CASP9: variants seen among roughly 807,000 people sequenced by gnomAD.
CASP9 encodes the protein caspase 9, also known as caspase-9.
Under a neutral mutation model 43.5 loss-of-function variants are expected in CASP9, and 29 were observed. The ratio of observed to expected loss-of-function variants is 0.67; its 90% CI spans 0.50 to 0.91. The LOEUF (loss-of-function observed/expected upper bound fraction) is 0.91. Among genes scored for constraint, CASP9 ranks in the 40% least tolerant of loss-of-function variants. The probability of loss-of-function intolerance (pLI) is 0.00; values close to 1 mark genes in which losing one functional copy is unlikely to be tolerated. For missense variants in CASP9, 575 were observed against 537.4 expected (o/e 1.07, Z -0.69); for synonymous variants, 206 against 211.9 (o/e 0.97, Z 0.24).
In CASP9 at chr1:15,524,175, A is replaced by C; in HGVS notation, c.26T>G (p.Leu9Arg). The change falls in exon 1 of 9, where the codon CTG becomes CGG. Residue 9 changes from leucine (L) to arginine (R), a missense_variant. Coordinates refer to ENST00000333868, the MANE Select transcript of CASP9 (RefSeq NM_001229.5). The stretch of plus-strand genomic sequence containing the variant: ...CACCAGCCGCAGCCGGCACCGCCGC[A>C]GGAGCCGCCGATCCGCTTCGTCCAT... MDEADRRL[L>R]RRCRLRLVEE... 6.5e-7 allele frequency: 1 copy of C among 1,542,044 alleles called. No homozygotes were observed. Among genetic ancestry groups the C allele is most frequent in the Non-Finnish European group, 8.7e-7 (1 of 1,148,740 alleles).
At chr1:15,493,234 T>C in intron 8 of CASP9, 199 bp from the exon 9 acceptor site, 1 of 1,410,278 alleles carries the variant, frequency 7.1e-7, no homozygotes, top group South Asian at 1.6e-5. Flanking sequence ...ATTTCCAAAT[T>C]CATAAAGTTC....
upstream of CASP9, chr1:15,524,334 C>T (rs1710355928): frequency 2.1e-6 from 3 of 1,430,018 alleles, no homozygotes; most frequent in Non-Finnish European, 2.7e-6. Context: ...CTTCGCTCCC[C>T]ACCGCCTCCG....
chr1:15,524,688 A>G, upstream of CASP9: 1 of 1,022,500 alleles, frequency 9.8e-7, no homozygotes, highest in Non-Finnish European at 1.2e-6. Context: ...CCTCGCCTTC[A>G]GGACGCCTCC....
At chr1:15,524,595 C>G (rs1183538777), upstream of CASP9, 6 of 1,016,538 alleles carry the variant, frequency 5.9e-6, no homozygotes, top group Middle Eastern at 4.7e-4. Flanking sequence ...CACGTCACCG[C>G]CCCGCCCCCG....
chr1:15,524,562 G>T, upstream of CASP9: 1 of 250,420 alleles, frequency 4.0e-6, no homozygotes, highest in Non-Finnish European at 5.1e-6. Flanking sequence ...CCCAGAACCC[G>T]CCCCGTATCC....
chr1:15,491,893 A>T lies in CASP9; in HGVS notation c.*1050T>A, dbSNP rs1466968635. 6.5e-6 allele frequency: 1 copy of T among 153,434 alleles called. No individual in the cohort carries two copies. The highest frequency in any genetic ancestry group is 2.4e-5 in the African/African-American group (1 of 41,458). 9.5% of individuals were successfully genotyped at this position (153,434 alleles called of 1,614,324 possible). A position where few individuals can be genotyped will look rare whatever the true frequency, so the allele number is the denominator to read the frequency against. On this transcript the variant is annotated 3_prime_UTR_variant, in exon 9 of 9. Transcript: ENST00000333868. ...TCACACTGCAGTCCGGGGGTGCTTC[A>T]GCAAGTAAGGCACATGGGAAGCATG...
chr1:15,491,953 C>A lies in CASP9; in HGVS notation c.*990G>T, dbSNP rs1236668741. On this transcript the variant is annotated 3_prime_UTR_variant, in exon 9 of 9. Transcript: ENST00000333868. ...CAGGGGACCCAGGTTCTGGCCAGGT[C>A]TCTTCTCTGGATAATCGTTTTCCCT... 6.5e-6 allele frequency: 1 copy of A among 152,942 alleles called. No individual in the cohort carries two copies. The highest frequency in any genetic ancestry group is 1.5e-5 in the Non-Finnish European group (1 of 68,598). 9.5% of individuals were successfully genotyped at this position (152,942 alleles called of 1,614,324 possible). A position where few individuals can be genotyped will look rare whatever the true frequency, so the allele number is the denominator to read the frequency against.
intron 8 of CASP9, chr1:15,493,246 A>C: frequency 7.8e-6 from 11 of 1,403,696 alleles, no homozygotes; most frequent in Non-Finnish European, 9.2e-6. Flanking sequence ...ATAAAGTTCA[A>C]ATCAGACTGA....
chr1:15,494,694 T>C (rs1326164763), intron 7 of CASP9, among the ~76,000 whole-genome samples: 1 of 151,120 alleles, frequency 6.6e-6, no homozygotes, highest in South Asian at 2.1e-4. Flanking sequence ...AAACCCCATC[T>C]CTACTAAAAA....
chr1:15,497,555 A>G (rs532128391), intron 6 of CASP9, among the ~76,000 whole-genome samples: 3 of 151,884 alleles, frequency 2.0e-5, no homozygotes, highest in Non-Finnish European at 4.4e-5. Flanking sequence ...AAGCAGGAGA[A>G]TTGCTTGAAC....
At chr1:15,495,535 A>G in intron 6 of CASP9, 83 bp from the exon 7 acceptor site, 1 of 1,185,922 alleles carries the variant, frequency 8.4e-7, no homozygotes, top group Non-Finnish European at 1.1e-6. Flanking sequence ...GGTGCAATAT[A>G]CTACATTAAC....
chr1:15,507,638 C>T (rs1265368361), intron 3 of CASP9: 2 of 548,060 alleles, frequency 3.6e-6, no homozygotes, highest in East Asian at 6.0e-5. Context: ...ATGACTGCCC[C>T]TCATCAGGTC....
intron 2 of CASP9, among the ~76,000 whole-genome samples, chr1:15,517,570 T>C (rs1252390152): frequency 6.6e-6 from 1 of 152,358 alleles, no homozygotes; most frequent in East Asian, 1.9e-4. Context: ...TTGTTGGATG[T>C]AGCCGTGTGA....
chr1:15,499,058 G>A (rs151131239), intron 6 of CASP9, among the ~76,000 whole-genome samples: 7 of 152,256 alleles, frequency 4.6e-5, no homozygotes, highest in East Asian at 1.9e-4. Context: ...TTCCAATGGC[G>A]GCTGGAAAGC....
At chr1:15,511,046 C>T (rs998788621) in intron 2 of CASP9, among the ~76,000 whole-genome samples, 6 of 151,934 alleles carry the variant, frequency 3.9e-5, no homozygotes, top group African/African-American at 1.5e-4. Flanking sequence ...GTTGGGATTC[C>T]AAAGAAAGAA....
At chr1:15,497,093 T>C (rs995896477) in intron 6 of CASP9, among the ~76,000 whole-genome samples, 2 of 148,842 alleles carry the variant, frequency 1.3e-5, no homozygotes. Flanking sequence ...GCAGATCACC[T>C]GAGGTCAGGA....
chr1:15,497,675 A>T (rs1362130836), intron 6 of CASP9, among the ~76,000 whole-genome samples: 3 of 151,144 alleles, frequency 2.0e-5, no homozygotes, highest in Admixed American at 6.6e-5. Flanking sequence ...AATAAATGGA[A>T]ATATATCCTA....
At chr1:15,521,717 C>T (rs762642457) in intron 1 of CASP9, among the ~76,000 whole-genome samples, 22 of 151,976 alleles carry the variant, frequency 1.4e-4, no homozygotes, top group African/African-American at 4.1e-4. Context: ...GCCAGGCATT[C>T]GGGGCCACTA....
intron 6 of CASP9, among the ~76,000 whole-genome samples, chr1:15,497,091 C>A (rs1709128748): frequency 6.6e-6 from 1 of 151,824 alleles, no homozygotes; most frequent in South Asian, 2.1e-4. Flanking sequence ...AGGCAGATCA[C>A]CTGAGGTCAG....
Sources: gnomAD v4.1 joint callset for allele counts (sites outside exome capture counted in the v4.1 genomes callset) on GRCh38, gnomAD v4.1.1 for gene constraint, MANE v1.5 for transcripts, NCBI Gene and HGNC (gene_info 2026-07-23, HGNC 2026-07-21) for gene names.